SPRED2: variants seen among roughly 807,000 people sequenced by gnomAD.
SPRED2 encodes the protein sprouty-related, EVH1 domain-containing protein 2.
SPRED2 carries 47 observed loss-of-function variants against 43.0 expected under a neutral mutation model. That is an observed-to-expected ratio of 1.09 (90% CI 0.87 to 1.40). SPRED2 has a LOEUF of 1.40. Among genes scored for constraint, SPRED2 ranks in the 40% most tolerant of loss-of-function variants. SPRED2 has a pLI of 0.00. For synonymous variants in SPRED2, 225 were observed against 225.7 expected, an observed-to-expected ratio of 1.00 and a Z score of 0.03; for missense variants, 561 against 586.4, an observed-to-expected ratio of 0.96 and a Z score of 0.45.
At chr2:65,357,114 C>A (rs1024124049) in intron 1 of SPRED2, among the ~76,000 whole-genome samples, 28 of 152,290 alleles carry the variant, frequency 1.8e-4, no homozygotes, top group African/African-American at 6.5e-4. Context: ...TTTTTAAGAG[C>A]CTGTTTATAT....
At chr2:65,347,220 ACTC>A (rs1415333711) in intron 1 of SPRED2, among the ~76,000 whole-genome samples, 1 of 149,360 alleles carries the variant, frequency 6.7e-6, no homozygotes, top group Non-Finnish European at 1.5e-5. Context: ...CTGATTCTCT[ACTC>A]CTCCCCTTGC....
chr2:65,318,752 T>TC (rs1673319731), intron 4 of SPRED2, among the ~76,000 whole-genome samples: 1 of 144,372 alleles, frequency 6.9e-6, no homozygotes, highest in South Asian at 2.1e-4. Context: ...GCTCAAGTGA[T>TC]CCCCCTGCTT....
intron 1 of SPRED2, among the ~76,000 whole-genome samples, chr2:65,390,572 A>C (rs1675609892): frequency 6.6e-6 from 1 of 152,190 alleles, no homozygotes; most frequent in African/African-American, 2.4e-5. Flanking sequence ...GATTCTGTCA[A>C]GGGCTGTGTG....
intron 5 of SPRED2, among the ~76,000 whole-genome samples, chr2:65,316,209 C>T (rs182432310): frequency 1.4e-4 from 22 of 152,302 alleles, no homozygotes; most frequent in East Asian, 3.9e-4. Flanking sequence ...GTTGAACTAC[C>T]GAATTCTGAG....
intron 1 of SPRED2, among the ~76,000 whole-genome samples, chr2:65,356,532 CCCTCTTTTTT>C (rs1674653779): frequency 3.8e-5 from 2 of 52,474 alleles, no homozygotes; most frequent in African/African-American, 1.2e-4. Context: ...TTCCCCAGTT[CCCTCTTTTTT>C]TTTTTTTTTT....
chr2:65,310,179 C>T (rs1018086169), downstream of SPRED2, among the ~76,000 whole-genome samples: 1 of 152,082 alleles, frequency 6.6e-6, no homozygotes, highest in Non-Finnish European at 1.5e-5. Context: ...CGAAAATCAC[C>T]CCCTTTAGGA....
chr2:65,342,679 C>G (rs1238593971), intron 2 of SPRED2, among the ~76,000 whole-genome samples: 2 of 151,990 alleles, frequency 1.3e-5, no homozygotes, highest in African/African-American at 2.4e-5. Context: ...ATATTTGACA[C>G]TAAGGAGGTG....
intron 2 of SPRED2, among the ~76,000 whole-genome samples, chr2:65,339,947 A>C (rs1285424335): frequency 1.3e-5 from 2 of 152,070 alleles, no homozygotes; most frequent in African/African-American, 4.8e-5. Flanking sequence ...ATATACTTCA[A>C]CCAAAATAAT....
chr2:65,336,681 G>C (rs1673976522), intron 2 of SPRED2, among the ~76,000 whole-genome samples: 1 of 152,164 alleles, frequency 6.6e-6, no homozygotes, highest in African/African-American at 2.4e-5. Context: ...TCAATTCAAA[G>C]TCTCAAAATA....
intron 1 of SPRED2, among the ~76,000 whole-genome samples, chr2:65,391,974 T>C (rs1675646582): frequency 1.3e-5 from 2 of 152,136 alleles, no homozygotes; most frequent in Admixed American, 6.5e-5. Flanking sequence ...GTTAGCCTGG[T>C]GTTTTTTTAA....
At chr2:65,361,848 T>C (rs1558668928) in intron 1 of SPRED2, among the ~76,000 whole-genome samples, 2 of 152,300 alleles carry the variant, frequency 1.3e-5, no homozygotes, top group East Asian at 1.9e-4. Context: ...TTATGACACA[T>C]GCTGTCTGTG....
chr2:65,328,504 A>T (rs1673711700), intron 4 of SPRED2, among the ~76,000 whole-genome samples: 1 of 152,176 alleles, frequency 6.6e-6, no homozygotes, highest in Admixed American at 6.5e-5. Flanking sequence ...CAAAAATGGA[A>T]GTGTCGATCT....
At chr2:65,391,260 A>G (rs1406791441) in intron 1 of SPRED2, among the ~76,000 whole-genome samples, 2 of 151,774 alleles carry the variant, frequency 1.3e-5, no homozygotes, top group African/African-American at 2.4e-5. Context: ...TAGGACTTCC[A>G]GTGCTAAAAC....
downstream of SPRED2, among the ~76,000 whole-genome samples, chr2:65,310,490 CACACACACACACACAT>C (rs1673040257): frequency 6.7e-6 from 1 of 149,844 alleles, no homozygotes; most frequent in African/African-American, 2.5e-5. Context: ...CACACACACA[CACACACACACACACAT>C]ATCCCTGAGG....
intron 1 of SPRED2, among the ~76,000 whole-genome samples, chr2:65,395,184 G>A (rs866026016): frequency 1.3e-5 from 2 of 152,032 alleles, no homozygotes; most frequent in African/African-American, 2.4e-5. Context: ...AGCACTTCTC[G>A]CTCCGTGGCC....
At chr2:65,387,743 G>A (rs1675533825) in intron 1 of SPRED2, among the ~76,000 whole-genome samples, 1 of 151,590 alleles carries the variant, frequency 6.6e-6, no homozygotes. Context: ...ATATATACAT[G>A]TATATGAAAG....
chr2:65,351,650 G>C (rs1258771138), intron 1 of SPRED2, among the ~76,000 whole-genome samples: 1 of 152,010 alleles, frequency 6.6e-6, no homozygotes, highest in African/African-American at 2.4e-5. Flanking sequence ...ATTTATAAAG[G>C]CTCTTTGATT....
chr2:65,316,127 C>G (rs962516682), intron 5 of SPRED2, among the ~76,000 whole-genome samples: 1 of 152,218 alleles, frequency 6.6e-6, no homozygotes, highest in Non-Finnish European at 1.5e-5. Flanking sequence ...GCCACAGCAC[C>G]CCACACAGGC....
intron 1 of SPRED2, among the ~76,000 whole-genome samples, chr2:65,429,958 G>C (rs1054220410): frequency 7.2e-5 from 11 of 152,184 alleles, no homozygotes; most frequent in Admixed American, 3.3e-4. Flanking sequence ...GATGGAGAAA[G>C]ATGCAAGGCT....
Sources: gnomAD v4.1 joint callset for allele counts (sites outside exome capture counted in the v4.1 genomes callset) on GRCh38, gnomAD v4.1.1 for gene constraint, MANE v1.5 for transcripts, NCBI Gene and HGNC (gene_info 2026-07-23, HGNC 2026-07-21) for gene names.